Variants in TAB2 observed in about 807,000 individuals in gnomAD.
The protein encoded by TAB2 is TGF-beta-activated kinase 1 and MAP3K7-binding protein 2.
In TAB2, 3 loss-of-function variants were observed where a neutral mutation model predicts 65.0. The ratio of observed to expected loss-of-function variants is 0.05; its 90% CI spans 0.02 to 0.12. The LOEUF is 0.12. Among genes scored for constraint, TAB2 ranks in the 10% least tolerant of loss-of-function variants. TAB2 has a pLI of 1.00. For synonymous variants in TAB2, 298 were observed against 285.1 expected, an observed-to-expected ratio of 1.05 and a Z score of -0.46; for missense variants, 623 against 840.3, an observed-to-expected ratio of 0.74 and a Z score of 3.20.
intron 1 of TAB2, among the ~76,000 whole-genome samples, chr6:149,241,063 G>T (rs1777588244): frequency 6.6e-6 from 1 of 152,026 alleles, no homozygotes; most frequent in Non-Finnish European, 1.5e-5. Context: ...AAAAAAAGAG[G>T]TCAAAAAAGA....
At chr6:149,399,729 A>C (rs896867888) in intron 6 of TAB2, among the ~76,000 whole-genome samples, 2 of 152,212 alleles carry the variant, frequency 1.3e-5, no homozygotes, top group African/African-American at 4.8e-5. Context: ...TAGAAATGGA[A>C]ACAGGTACAT....
intron 3 of TAB2, among the ~76,000 whole-genome samples, chr6:149,383,729 C>A (rs763953033): frequency 2.0e-5 from 3 of 152,196 alleles, no homozygotes; most frequent in Non-Finnish European, 4.4e-5. Flanking sequence ...ATTACAGGCA[C>A]ATGCCACCAC....
At position 149,380,998 on chromosome 6, in the gene TAB2, C is replaced by T. The variant is rs377307701; in HGVS notation, c.1603+1480C>T. On this transcript the variant is annotated intron_variant, in intron 3 of 6. Coordinates refer to ENST00000637181, the MANE Select transcript of TAB2 (RefSeq NM_001292034.3). ...TGGCACCCGCCTGTAGTCCCAGCTT[C>T]TCAGAAGCTAAAGTGGGAGGACTGC... Among the ~76,000 whole-genome samples, 14 of 152,256 alleles carry T rather than the reference C, an allele frequency of 9.2e-5. No homozygotes were observed. The East Asian group carries it at 1.2e-3, about 13-fold the overall frequency.
chr6:149,339,234 G>A (rs375073120), intron 1 of TAB2, among the ~76,000 whole-genome samples: 4 of 152,000 alleles, frequency 2.6e-5, no homozygotes, highest in East Asian at 3.9e-4. Flanking sequence ...GTGGTGGCAC[G>A]CGCCTGTAGT....
At chr6:149,397,021 G>A (rs552028316) in intron 3 of TAB2, among the ~76,000 whole-genome samples, 17 of 152,298 alleles carry the variant, frequency 1.1e-4, no homozygotes, top group Admixed American at 7.2e-4. Flanking sequence ...CTGAAAAGAC[G>A]AAAACCTTTA....
At chr6:149,244,637 G>C (rs1777669347) in intron 1 of TAB2, 1 of 152,512 alleles carries the variant, frequency 6.6e-6, no homozygotes, top group South Asian at 2.1e-4. Context: ...GTCACTTGAG[G>C]TAAGGAGTCA....
At chr6:149,297,011 C>G (rs1350127429) in intron 1 of TAB2, among the ~76,000 whole-genome samples, 2 of 152,050 alleles carry the variant, frequency 1.3e-5, no homozygotes, top group African/African-American at 4.8e-5. Flanking sequence ...TACTTAGATT[C>G]ACTAATTGGT....
intron 6 of TAB2, 68 bp from the exon 7 acceptor site, chr6:149,409,509 A>G: frequency 6.9e-7 from 1 of 1,458,196 alleles, no homozygotes; most frequent in Non-Finnish European, 9.6e-7. Flanking sequence ...AATGGTGTTT[A>G]AAGTTGCCTG....
intron 1 of TAB2, among the ~76,000 whole-genome samples, chr6:149,331,514 TC>T (rs1779785593): frequency 6.6e-6 from 1 of 152,166 alleles, no homozygotes; most frequent in African/African-American, 2.4e-5. Context: ...TACATTTTTT[TC>T]TTCCCAATCT....
upstream of TAB2, among the ~76,000 whole-genome samples, chr6:149,315,253 T>C (rs191819928): frequency 7.9e-5 from 12 of 152,338 alleles, no homozygotes; most frequent in Admixed American, 7.2e-4. Context: ...TACCAAAAAT[T>C]GCAAGAACGG....
At chr6:149,391,825 G>A (rs947486249) in intron 3 of TAB2, among the ~76,000 whole-genome samples, 1 of 152,138 alleles carries the variant, frequency 6.6e-6, no homozygotes, top group Non-Finnish European at 1.5e-5. Context: ...ACAGGCATGA[G>A]CCATCATACC....
Position 149,369,014 on chromosome 6 carries a change from C to T in TAB2, c.-89-895C>T, listed in dbSNP as rs1017498005. ...ACCTGTATTTTTAGGCTTATGTTAA[C>T]GAGGTTAAAAAGAGAAATACCACAA... On this transcript the variant is annotated intron_variant, in intron 1 of 6. Coordinates refer to ENST00000637181, the MANE Select transcript of TAB2 (RefSeq NM_001292034.3). 1.1e-4 allele frequency among the ~76,000 whole-genome samples: 16 copies of T among 151,822 alleles called. 1 individual carries two copies. The highest frequency in any genetic ancestry group is 2.9e-4 in the African/African-American group (12 of 41,318).
At chr6:149,371,504 A>G (rs1781225417) in intron 2 of TAB2, among the ~76,000 whole-genome samples, 1 of 152,162 alleles carries the variant, frequency 6.6e-6, no homozygotes, top group Non-Finnish European at 1.5e-5. Context: ...GCCTTTTCTT[A>G]TAGTATAATG....
intron 1 of TAB2, among the ~76,000 whole-genome samples, chr6:149,220,411 T>C (rs1044496834): frequency 6.6e-6 from 1 of 152,220 alleles, no homozygotes; most frequent in African/African-American, 2.4e-5. Flanking sequence ...TATATTTCAC[T>C]ATGAATACAC....
At chr6:149,371,938 A>G (rs1286974561) in intron 2 of TAB2, among the ~76,000 whole-genome samples, 1 of 152,218 alleles carries the variant, frequency 6.6e-6, no homozygotes, top group Non-Finnish European at 1.5e-5. Context: ...CTAGAACCCA[A>G]GTAACTTCTC....
intron 1 of TAB2, among the ~76,000 whole-genome samples, chr6:149,350,436 T>A (rs1447813025): frequency 6.6e-6 from 1 of 152,044 alleles, no homozygotes; most frequent in Non-Finnish European, 1.5e-5. Flanking sequence ...ACAGAAAAAA[T>A]TATTACCGCT....
intron 1 of TAB2, among the ~76,000 whole-genome samples, chr6:149,273,809 A>G (rs1778405975): frequency 6.6e-6 from 1 of 152,244 alleles, no homozygotes; most frequent in African/African-American, 2.4e-5. Context: ...TTCCGTGTTC[A>G]ATGTCCTTTC....
intron 1 of TAB2, among the ~76,000 whole-genome samples, chr6:149,305,907 T>C (rs1779058478): frequency 6.6e-6 from 1 of 152,208 alleles, no homozygotes; most frequent in African/African-American, 2.4e-5. Flanking sequence ...ATTCTTCTAG[T>C]CAGTAAAGCA....
Position 149,378,855 on chromosome 6 carries a change from A to T in TAB2, c.940A>T (p.Ile314Phe). 1 of 1,614,170 alleles carries T rather than the reference A, an allele frequency of 6.2e-7. No individual in the cohort carries two copies. ...GTCTTCTGCCCATAGCCAATATAAC[A>T]TTCAGAATATTTCAACAGGACCTCG... The part of the protein sequence containing the change: ...SQSSAHSQYN[I>F]QNISTGPRKN... The change falls in exon 3 of 7, where the codon ATT becomes TTT. Residue 314 changes from isoleucine to phenylalanine, a missense_variant. Physicochemically the swap from Ile to Phe is conservative, Grantham distance 21. Transcript: ENST00000637181.
Sources: gnomAD v4.1 joint callset for allele counts (sites outside exome capture counted in the v4.1 genomes callset) on GRCh38, gnomAD v4.1.1 for gene constraint, MANE v1.5 for transcripts, NCBI Gene and HGNC (gene_info 2026-07-23, HGNC 2026-07-21) for gene names.